The following C2CD5 variants were observed in gnomAD, a reference collection of about 807,000 sequenced individuals.
The protein encoded by C2CD5 is C2 calcium dependent domain containing 5, also known as C2 domain-containing protein 5.
A neutral mutation model predicts 130.3 loss-of-function variants in C2CD5; 109 were observed. The ratio of observed to expected loss-of-function variants is 0.84; its 90% CI spans 0.72 to 0.98. The LOEUF (loss-of-function observed/expected upper bound fraction) is 0.98, where lower values mean the gene tolerates loss of function less well. Among genes scored for constraint, C2CD5 ranks in the 50% least tolerant of loss-of-function variants. C2CD5 has a pLI of 0.00. For missense variants in C2CD5, 996 were observed against 1,261.8 expected, an observed-to-expected ratio of 0.79 and a Z score of 3.19; for synonymous variants, 454 against 429.2, an observed-to-expected ratio of 1.06 and a Z score of -0.71.
intron 25 of C2CD5, among the ~76,000 whole-genome samples, chr12:22,455,851 A>G (rs1267557419): frequency 6.6e-6 from 1 of 151,978 alleles, no homozygotes; most frequent in African/African-American, 2.4e-5. Flanking sequence ...TGCCCGGCTA[A>G]TTTTTGTATT....
intron 2 of C2CD5, among the ~76,000 whole-genome samples, chr12:22,541,302 T>C (rs958704171): frequency 1.2e-4 from 19 of 152,184 alleles, no homozygotes; most frequent in African/African-American, 4.6e-4. Context: ...ATCCATCACC[T>C]TGGATAACAT....
Position 22,458,578 on chromosome 12 carries a change from T to C in C2CD5, c.2592A>G (p.Ser864=). The C allele has an allele frequency of 3.2e-6, 4 of 1,266,826 alleles. No individual in the cohort carries two copies. Among genetic ancestry groups the C allele is most frequent in the South Asian group, 3.0e-5 (1 of 33,080 alleles). The allele number at this position is 1,266,826 out of a possible 1,614,324, so 78.5% of individuals were successfully genotyped here. A position where few individuals can be genotyped will look rare whatever the true frequency, so the allele number is the denominator to read the frequency against. ...SGIPAAQRAT[S]VDYSSFADRC... ...TGTCTGCAAAGGAACTGTAATCAAC[T>C]GACGTTGCTGAAAACACAGACAGAA... is the stretch of plus-strand genomic sequence containing the variant. Residue 864 remains serine, a synonymous_variant, in exon 24 of 27, where the codon TCA becomes TCG. Transcript: ENST00000446597.
intron 26 of C2CD5, among the ~76,000 whole-genome samples, chr12:22,451,116 G>A (rs945472622): frequency 6.6e-6 from 1 of 151,862 alleles, no homozygotes; most frequent in East Asian, 1.9e-4. Context: ...AAATTTGGTT[G>A]CATGTGGGGA....
intron 10 of C2CD5, chr12:22,502,880 CAAG>C (rs1947974103): frequency 1.3e-6 from 1 of 784,816 alleles, no homozygotes; most frequent in African/African-American, 1.7e-5. Context: ...ACACTACAAA[CAAG>C]AACGCAATTG....
chr12:22,478,558 G>A, intron 14 of C2CD5, 81 bp from the exon 15 acceptor site: 2 of 1,260,952 alleles, frequency 1.6e-6, no homozygotes, highest in Non-Finnish European at 1.1e-6. Context: ...TAAGAATGTG[G>A]TCAACAGCTG....
rs1241218786 is a variant in C2CD5 at position 22,491,544 on chromosome 12, G to A, written c.1263-1326C>T. 3.9e-5 allele frequency among the ~76,000 whole-genome samples: 6 copies of A among 152,050 alleles called. No homozygotes were observed. The South Asian group carries it at 6.2e-4, about 16-fold the overall frequency. On this transcript the variant is annotated intron_variant, in intron 11 of 26. Coordinates refer to ENST00000446597, the MANE Select transcript of C2CD5 (RefSeq NM_001286176.2). ...TATTTTACATCATAATTATCCAGTA[G>A]AATGTAAATGTGATACCAAGAACTA...
chr12:22,511,557 T>C (rs1949202221), intron 9 of C2CD5, among the ~76,000 whole-genome samples: 2 of 152,210 alleles, frequency 1.3e-5, no homozygotes, highest in Admixed American at 1.3e-4. Context: ...AAAACTATAG[T>C]TCTCTACACC....
chr12:22,451,388 A>C (rs1156359324), intron 26 of C2CD5, among the ~76,000 whole-genome samples: 1 of 152,158 alleles, frequency 6.6e-6, no homozygotes, highest in Non-Finnish European at 1.5e-5. Context: ...GCTGAGGGTC[A>C]CGTGTAAGAA....
chr12:22,484,961 GATATTAC>G (rs1945274706), intron 12 of C2CD5, 73 bp from the exon 13 acceptor site: 1 of 654,828 alleles, frequency 1.5e-6, no homozygotes, highest in East Asian at 3.0e-5. Flanking sequence ...TTATGTAACT[GATATTAC>G]ATACACAGTA....
chr12:22,467,714 C>G (rs1406837705), intron 22 of C2CD5, among the ~76,000 whole-genome samples: 1 of 152,194 alleles, frequency 6.6e-6, no homozygotes, highest in African/African-American at 2.4e-5. Context: ...CACGGTCCCT[C>G]TCAATTCTCC....
chr12:22,472,201 T>G (rs1407814478), intron 18 of C2CD5, 85 bp downstream of exon 18: 14 of 698,426 alleles, frequency 2.0e-5, no homozygotes, highest in Non-Finnish European at 2.7e-5. Flanking sequence ...AATAAGGAGG[T>G]AAAAAAAAAA....
chr12:22,505,162 A>AAAAAATAGTAATGCTCTGTATCCTC (rs1948330203), intron 10 of C2CD5, among the ~76,000 whole-genome samples: 1 of 152,130 alleles, frequency 6.6e-6, no homozygotes, highest in Admixed American at 6.5e-5. Context: ...AAAAAATTTT[A>AAAAAATAGTAATGCTCTGTATCCTC]AAAAATAGTA....
chr12:22,458,512 C>A lies in C2CD5; in HGVS notation c.2658G>T (p.Gln886His). ...SWIELIKLKA[Q>H]TIRRGSIKTT... ...TCTTAATTGATCCACGCCTTATGGT[C>A]TGAGCTTTCAGTTTAATGAGCTCTA... Residue 886 changes from glutamine to histidine, a missense_variant, in exon 24 of 27, where the codon CAG (glutamine) becomes CAT (histidine). By Grantham distance (24) the Gln-to-His change is conservative. This residue lies in a region of C2CD5 where 590 missense variants were observed against 631.4 expected (regional missense o/e 0.93). Transcript: ENST00000446597. The A allele has an allele frequency of 7.7e-7, 1 of 1,301,632 alleles. No homozygotes were observed. 80.6% of individuals were successfully genotyped at this position (1,301,632 alleles called of 1,614,324 possible).
chr12:22,451,211 C>A (rs1438421713), intron 26 of C2CD5, among the ~76,000 whole-genome samples: 2 of 151,794 alleles, frequency 1.3e-5, no homozygotes, highest in Admixed American at 6.6e-5. Flanking sequence ...ACTACCTATT[C>A]AAAAATATAT....
intron 3 of C2CD5, among the ~76,000 whole-genome samples, chr12:22,534,426 A>G (rs1018583619): frequency 2.0e-5 from 3 of 152,220 alleles, no homozygotes; most frequent in Admixed American, 2.0e-4. Context: ...AATTATCAAG[A>G]AAGTAAAAAG....
chr12:22,512,519 CTT>C, intron 9 of C2CD5: 2 of 598,776 alleles, frequency 3.3e-6, no homozygotes, highest in Non-Finnish European at 5.4e-6. Context: ...AAAAAAAAAA[CTT>C]TGCATTACGA....
intron 9 of C2CD5, among the ~76,000 whole-genome samples, chr12:22,508,435 C>T (rs975225253): frequency 2.6e-5 from 4 of 152,102 alleles, no homozygotes; most frequent in African/African-American, 9.7e-5. Flanking sequence ...TCCATTTAAA[C>T]TTCTTTTTCT....
chr12:22,492,459 AAC>A (rs1456022700), intron 11 of C2CD5, among the ~76,000 whole-genome samples: 6 of 152,312 alleles, frequency 3.9e-5, no homozygotes, highest in African/African-American at 1.4e-4. Flanking sequence ...TTTAAGGCGG[AAC>A]AGTTTCAAGT....
intron 22 of C2CD5, among the ~76,000 whole-genome samples, 177 bp from the exon 23 acceptor site, chr12:22,459,719 A>G (rs1468995843): frequency 6.6e-6 from 1 of 152,262 alleles, no homozygotes; most frequent in African/African-American, 2.4e-5. Context: ...CTATTGATAA[A>G]TGAAAACTAG....
Sources: allele counts gnomAD v4.1 joint callset (sites outside exome capture counted in the v4.1 genomes callset), GRCh38; gene constraint gnomAD v4.1.1; regional missense constraint gnomAD v4.1.1; transcripts MANE v1.5; gene names NCBI Gene and HGNC (gene_info 2026-07-23, HGNC 2026-07-21).